Variants in NAALADL2 observed in about 807,000 individuals in gnomAD.
NAALADL2 encodes N-acetylated alpha-linked acidic dipeptidase like 2, also known as inactive N-acetylated-alpha-linked acidic dipeptidase-like protein 2.
A neutral mutation model predicts 87.2 loss-of-function variants in NAALADL2; 76 were observed. That is an observed-to-expected ratio of 0.87 (90% CI 0.72 to 1.05). The LOEUF is 1.05. Ranked by LOEUF, NAALADL2 falls within the 50% of genes least tolerant of loss-of-function variation. The probability of loss-of-function intolerance (pLI) is 0.00; values close to 1 mark genes in which losing one functional copy is unlikely to be tolerated. For synonymous variants in NAALADL2, 354 were observed against 331.0 expected (o/e 1.07, Z -0.75); for missense variants, 1,089 against 945.8 (o/e 1.15, Z -1.99).
intron 5 of NAALADL2, among the ~76,000 whole-genome samples, chr3:175,398,436 A>G (rs777571083): frequency 7.0e-6 from 1 of 142,960 alleles, no homozygotes; most frequent in Non-Finnish European, 1.5e-5. Context: ...GCTAATCTGT[A>G]TCCACATGAT....
chr3:174,885,876 GTTTTTTTTTTTTT>G (rs60403770), intron 1 of NAALADL2, among the ~76,000 whole-genome samples: 2 of 101,634 alleles, frequency 2.0e-5, no homozygotes, highest in African/African-American at 3.8e-5. Flanking sequence ...AGTCCGAGTT[GTTTTTTTTTTTTT>G]TTTTTTTTTT....
At chr3:174,972,389 G>T (rs1389022659) in intron 1 of NAALADL2, among the ~76,000 whole-genome samples, 12 of 152,118 alleles carry the variant, frequency 7.9e-5, no homozygotes, top group Admixed American at 7.9e-4. Context: ...AAGGCTAAAA[G>T]TCCAAAATCT....
At chr3:174,855,096 C>G (rs1221498552), upstream of NAALADL2, among the ~76,000 whole-genome samples, 2 of 152,178 alleles carry the variant, frequency 1.3e-5, no homozygotes, top group East Asian at 3.9e-4. Context: ...GCCTTGGCCT[C>G]CCAAAGTGCT....
chr3:174,852,603 T>A (rs567577341), intron 3 of NAALADL2, among the ~76,000 whole-genome samples: 1 of 152,262 alleles, frequency 6.6e-6, no homozygotes, highest in East Asian at 1.9e-4. Context: ...GTTTATAGAA[T>A]GGAAGAATAA....
At chr3:175,387,076 T>G (rs1423712481) in intron 5 of NAALADL2, among the ~76,000 whole-genome samples, 1 of 152,122 alleles carries the variant, frequency 6.6e-6, no homozygotes, top group Non-Finnish European at 1.5e-5. Context: ...GAAAATTTTT[T>G]TTTACTACTT....
chr3:175,724,649 C>T (rs1742695394), intron 11 of NAALADL2, among the ~76,000 whole-genome samples: 1 of 152,096 alleles, frequency 6.6e-6, no homozygotes, highest in Non-Finnish European at 1.5e-5. Flanking sequence ...TAAAATCTCA[C>T]TAGGTAGAAG....
chr3:175,495,358 T>C (rs1038715851), intron 9 of NAALADL2, among the ~76,000 whole-genome samples: 3 of 152,070 alleles, frequency 2.0e-5, no homozygotes, highest in East Asian at 1.9e-4. Context: ...ATGCCTGATG[T>C]TGATGAATGC....
intron 1 of NAALADL2, among the ~76,000 whole-genome samples, chr3:174,963,417 G>A (rs1742410855): frequency 6.6e-6 from 1 of 152,124 alleles, no homozygotes; most frequent in South Asian, 2.1e-4. Flanking sequence ...ATCAAGACAG[G>A]AAATGGGGGA....
At chr3:175,479,263 T>A (rs1340643204) in intron 9 of NAALADL2, among the ~76,000 whole-genome samples, 1 of 151,852 alleles carries the variant, frequency 6.6e-6, no homozygotes, top group African/African-American at 2.4e-5. Context: ...GAAAAGGTAA[T>A]CAATGTAATA....
rs144599620 is a variant in NAALADL2, at chr3:175,794,255, G to A, written c.2190-8750G>A. On this transcript the variant is annotated intron_variant, in intron 13 of 13. Transcript: ENST00000454872. ...GGAAGCTGAAATACTAAGAGATAATGAGTTCCAAATAAGTAAAGAAAGAAA... is the reference window on the plus strand; with the variant it reads ...GGAAGCTGAAATACTAAGAGATAATAAGTTCCAAATAAGTAAAGAAAGAAA... Among the ~76,000 whole-genome samples, 311 of 152,260 alleles carry A rather than the reference G, an allele frequency of 2.0e-3. 4 individuals are homozygous for A. The highest frequency in any genetic ancestry group is 0.018 in the South Asian group (85 of 4,824).
At chr3:175,653,613 GA>G (rs775137764) in intron 11 of NAALADL2, among the ~76,000 whole-genome samples, 7 of 151,990 alleles carry the variant, frequency 4.6e-5, no homozygotes, top group Admixed American at 1.3e-4. Context: ...TCTCTTTCAT[GA>G]TTTCCTTGAT....
intron 2 of NAALADL2, among the ~76,000 whole-genome samples, chr3:175,204,173 G>A (rs1580913977): frequency 1.3e-5 from 2 of 152,250 alleles, no homozygotes; most frequent in South Asian, 4.1e-4. Flanking sequence ...TATCCTTGAT[G>A]GATATAGATA....
intron 5 of NAALADL2, among the ~76,000 whole-genome samples, chr3:175,379,466 A>T (rs1012723185): frequency 2.0e-5 from 3 of 151,586 alleles, no homozygotes; most frequent in Non-Finnish European, 4.4e-5. Context: ...TCACATTTTG[A>T]CTTAGTCTGT....
chr3:174,653,479 T>C (rs1224596969), intron 2 of NAALADL2, among the ~76,000 whole-genome samples: 1 of 152,172 alleles, frequency 6.6e-6, no homozygotes, highest in Non-Finnish European at 1.5e-5. Context: ...TTTGGGACTT[T>C]ACAATTTAGT....
chr3:175,673,162 C>G (rs1355595212), intron 11 of NAALADL2, among the ~76,000 whole-genome samples: 1 of 152,138 alleles, frequency 6.6e-6, no homozygotes, highest in Non-Finnish European at 1.5e-5. Flanking sequence ...CTTACCTATA[C>G]AGAATATCTT....
At chr3:174,749,287 T>C (rs1734587272) in intron 3 of NAALADL2, among the ~76,000 whole-genome samples, 1 of 152,172 alleles carries the variant, frequency 6.6e-6, no homozygotes, top group African/African-American at 2.4e-5. Flanking sequence ...TCATTTGAAC[T>C]CTTAGAAAAC....
chr3:175,302,119 C>T (rs1757158343), intron 4 of NAALADL2, among the ~76,000 whole-genome samples: 1 of 152,154 alleles, frequency 6.6e-6, no homozygotes, highest in Non-Finnish European at 1.5e-5. Flanking sequence ...TATTTAAGTA[C>T]TCTGAGTTAT....
At chr3:174,922,001 G>A (rs1024552629) in intron 1 of NAALADL2, among the ~76,000 whole-genome samples, 29 of 151,972 alleles carry the variant, frequency 1.9e-4, no homozygotes, top group African/African-American at 6.8e-4. Context: ...ATGAGACAAA[G>A]TATAAGGTTT....
chr3:174,482,918 CT>C (rs761872903), intron 1 of NAALADL2, among the ~76,000 whole-genome samples: 47 of 152,194 alleles, frequency 3.1e-4, no homozygotes, highest in Non-Finnish European at 6.0e-4. Context: ...CTACCTCTTT[CT>C]TTCCCACTCA....
Sources: gnomAD v4.1 joint callset for allele counts (sites outside exome capture counted in the v4.1 genomes callset) on GRCh38, gnomAD v4.1.1 for gene constraint, MANE v1.5 for transcripts, NCBI Gene and HGNC (gene_info 2026-07-23, HGNC 2026-07-21) for gene names.